Variants in LRRC47 observed in about 807,000 individuals in gnomAD.
LRRC47 encodes the protein leucine rich repeat containing 47.
In LRRC47, 31 loss-of-function variants were observed where a neutral mutation model predicts 40.9. The ratio of observed to expected loss-of-function variants is 0.76; its 90% CI spans 0.57 to 1.02. The LOEUF (loss-of-function observed/expected upper bound fraction) is 1.02. Ranked by LOEUF, LRRC47 falls within the 50% of genes least tolerant of loss-of-function variation. LRRC47 has a pLI of 0.00. For missense variants in LRRC47, 726 were observed against 796.1 expected, an observed-to-expected ratio of 0.91 and a Z score of 1.06; for synonymous variants, 427 against 371.9, an observed-to-expected ratio of 1.15 and a Z score of -1.70.
rs1570733834 is a variant in LRRC47, at chr1:3,780,932, C to G, written c.*156G>C. 1.8e-6 allele frequency: 2 copies of G among 1,123,428 alleles called. No homozygotes were observed. Among genetic ancestry groups the G allele is most frequent in the African/African-American group, 3.1e-5 (2 of 64,194 alleles). 69.6% of individuals were successfully genotyped at this position (1,123,428 alleles called of 1,614,324 possible). On this transcript the variant is annotated 3_prime_UTR_variant, in exon 7 of 7. Transcript: ENST00000378251. ...CACAGGCTGCAGTGACTCGAGATCA[C>G]GCCACTGCACTCCAGCCTGGCGACA... is the stretch of plus-strand genomic sequence containing the variant.
chr1:3,785,007 G>A (rs1570736604), intron 3 of LRRC47, 80 bp downstream of exon 3: 2 of 1,065,424 alleles, frequency 1.9e-6, no homozygotes, highest in Non-Finnish European at 1.3e-6. Flanking sequence ...AAAAAAAAAA[G>A]TTCGGGCTGC....
chr1:3,785,910 C>A (rs1643567787), intron 2 of LRRC47, among the ~76,000 whole-genome samples: 1 of 150,450 alleles, frequency 6.6e-6, no homozygotes, highest in Admixed American at 6.6e-5. Flanking sequence ...TGCTGTGTCA[C>A]CCAGGCTGGA....
At chr1:3,794,365 T>C (rs889921007) in intron 1 of LRRC47, among the ~76,000 whole-genome samples, 2 of 151,950 alleles carry the variant, frequency 1.3e-5, no homozygotes, top group Non-Finnish European at 2.9e-5. Context: ...CACTCTACAG[T>C]GGGTTTGTTT....
chr1:3,795,317 G>A (rs1201885464), intron 1 of LRRC47, among the ~76,000 whole-genome samples: 1 of 152,188 alleles, frequency 6.6e-6, no homozygotes, highest in Non-Finnish European at 1.5e-5. Context: ...ATATAGTCTG[G>A]AGAAAAACCC....
At chr1:3,787,352 G>C in intron 1 of LRRC47, 42 bp from the exon 2 acceptor site, 6 of 1,552,300 alleles carry the variant, frequency 3.9e-6, no homozygotes, top group Non-Finnish European at 5.2e-6. Context: ...CCGGACTCTG[G>C]GAAGAGAGTC....
In LRRC47 at chr1:3,786,603, C is replaced by A. The variant is rs79889253; in HGVS notation, c.1077+246G>T. Among the ~76,000 whole-genome samples the A allele has an allele frequency of 2.0e-5, 3 of 152,192 alleles. No homozygotes were observed. In the East Asian group the frequency reaches 5.8e-4, roughly 29 times the overall value. On this transcript the variant is annotated intron_variant, in intron 2 of 6. Coordinates refer to ENST00000378251, the MANE Select transcript of LRRC47 (RefSeq NM_020710.3). ...CAGGGTGCAGGCGTCTGTGAAGAGGCCATCTCCACGCTGGAGACACCTGCC... is the reference window on the plus strand; with the variant it reads ...CAGGGTGCAGGCGTCTGTGAAGAGGACATCTCCACGCTGGAGACACCTGCC...
intron 2 of LRRC47, among the ~76,000 whole-genome samples, 153 bp downstream of exon 2, chr1:3,786,696 T>C (rs756802168): frequency 6.6e-6 from 1 of 152,090 alleles, no homozygotes; most frequent in Non-Finnish European, 1.5e-5. Flanking sequence ...TCTATTCCCT[T>C]TTTGGAGCTG....
chr1:3,793,957 A>T (rs1643650633), intron 1 of LRRC47, among the ~76,000 whole-genome samples: 1 of 152,122 alleles, frequency 6.6e-6, no homozygotes, highest in Non-Finnish European at 1.5e-5. Flanking sequence ...AGCACCTTGG[A>T]GGCCAAGACA....
intron 1 of LRRC47, among the ~76,000 whole-genome samples, chr1:3,790,912 C>T (rs1424174508): frequency 2.6e-5 from 4 of 152,138 alleles, no homozygotes; most frequent in Admixed American, 6.5e-5. Flanking sequence ...GTTATTTTGG[C>T]GGCCCCTAAA....
intron 2 of LRRC47, chr1:3,785,413 G>A (rs960428968): frequency 6.7e-6 from 2 of 299,598 alleles, no homozygotes. Context: ...ATCACCATCA[G>A]GAAAACTATC....
rs1643500713 is a variant in LRRC47 at position 3,779,716 on chromosome 1, A to G, written c.*1372T>C. The G allele has an allele frequency of 6.6e-6, 1 of 152,198 alleles. No homozygotes were observed. Among genetic ancestry groups the G allele is most frequent in the African/African-American group, 2.4e-5 (1 of 41,446 alleles). 9.4% of individuals were successfully genotyped at this position (152,198 alleles called of 1,614,324 possible). ...TGAGGACTGCCGATGCTTCCCAAGC[A>G]GAGGCGTCTGGTCCACTCCTGGGGC... On this transcript the variant is annotated 3_prime_UTR_variant, in exon 7 of 7. Transcript: ENST00000378251.
At chr1:3,791,493 A>G (rs1303228034) in intron 1 of LRRC47, among the ~76,000 whole-genome samples, 1 of 151,684 alleles carries the variant, frequency 6.6e-6, no homozygotes, top group African/African-American at 2.4e-5. Flanking sequence ...TTTCACTCTT[A>G]TTGCCCAGAC....
chr1:3,786,552 C>T lies in LRRC47; in HGVS notation c.1077+297G>A, dbSNP rs112002912. Among the ~76,000 whole-genome samples, 97 of 152,224 alleles carry T rather than the reference C, an allele frequency of 6.4e-4. 1 individual carries two copies. The highest frequency in any genetic ancestry group is 2.1e-3 in the African/African-American group (88 of 41,548). ...ACCATATGTGGAGGAGCAAGGGATA[C>T]GACCAGTGACCAGGACCAACCAGGC... is the stretch of plus-strand genomic sequence containing the variant. On this transcript the variant is annotated intron_variant, in intron 2 of 6. Coordinates refer to ENST00000378251, the MANE Select transcript of LRRC47 (RefSeq NM_020710.3).
intron 1 of LRRC47, among the ~76,000 whole-genome samples, chr1:3,793,304 GC>G (rs1643643536): frequency 1.3e-5 from 2 of 152,070 alleles, no homozygotes; most frequent in African/African-American, 4.8e-5. Flanking sequence ...TGTTGGTCAG[GC>G]TGGTTTAGAA....
chr1:3,782,514 G>A (rs546780164), intron 5 of LRRC47, 147 bp downstream of exon 5: 50 of 632,076 alleles, frequency 7.9e-5, no homozygotes, highest in Non-Finnish European at 1.3e-4. Flanking sequence ...GGCTGGTCTT[G>A]AACTCCTGAC....
At chr1:3,786,756 G>A in intron 2 of LRRC47, 93 bp downstream of exon 2, 1 of 1,237,058 alleles carries the variant, frequency 8.1e-7, no homozygotes, top group Non-Finnish European at 1.1e-6. Context: ...CTCCACTGCT[G>A]CTCCTTCGGA....
At chr1:3,789,174 C>T (rs946114762) in intron 1 of LRRC47, among the ~76,000 whole-genome samples, 10 of 152,218 alleles carry the variant, frequency 6.6e-5, no homozygotes, top group African/African-American at 1.2e-4. Context: ...AGGAACAGTG[C>T]GGCCGTGAGC....
Position 3,782,591 on chromosome 1 carries a change from C to G in LRRC47, c.1413+70G>C, listed in dbSNP as rs971193271. 7.3e-6 allele frequency: 7 copies of G among 955,010 alleles called. No individual in the cohort carries two copies. The African/African-American group carries it at 1.1e-4, about 15-fold the overall frequency. The allele number at this position is 955,010 out of a possible 1,614,324, so 59.2% of individuals were successfully genotyped here. ...TTACCGGTGTTGAGCCACCACGCCC[C>G]GCAGACTTGTGTTAATTCTACAGGG... is the stretch of plus-strand genomic sequence containing the variant. On this transcript the variant is annotated intron_variant, in intron 5 of 6. Transcript: ENST00000378251.
intron 2 of LRRC47, among the ~76,000 whole-genome samples, chr1:3,785,821 G>A (rs1212285893): frequency 6.6e-6 from 1 of 151,094 alleles, no homozygotes; most frequent in Non-Finnish European, 1.5e-5. Flanking sequence ...ATTTACTGCA[G>A]AAGTCAGAAA....
Sources: allele counts gnomAD v4.1 joint callset (sites outside exome capture counted in the v4.1 genomes callset), GRCh38; gene constraint gnomAD v4.1.1; transcripts MANE v1.5; gene names NCBI Gene and HGNC (gene_info 2026-07-23, HGNC 2026-07-21).